DPYD: variants seen among roughly 807,000 people sequenced by gnomAD.
The protein encoded by DPYD is dihydropyrimidine dehydrogenase [NADP(+)].
DPYD carries 109 observed loss-of-function variants against 116.2 expected under a neutral mutation model. The observed-to-expected ratio is 0.94, with a 90% confidence interval of 0.80 to 1.10. DPYD has a LOEUF of 1.10. Ranked by LOEUF, DPYD falls within the 50% of genes least tolerant of loss-of-function variation. DPYD has a pLI of 0.00. For missense variants in DPYD, 1,302 were observed against 1,254.5 expected (o/e 1.04, Z -0.57); for synonymous variants, 440 against 432.0 (o/e 1.02, Z -0.23).
intron 8 of DPYD, among the ~76,000 whole-genome samples, chr1:97,631,482 A>G (rs1401279548): frequency 6.6e-6 from 1 of 152,076 alleles, no homozygotes; most frequent in Non-Finnish European, 1.5e-5. Context: ...AGCATTTTGC[A>G]ATCATAAGTG....
rs142178985 is a variant in DPYD, at chr1:97,591,060, A to T, written c.1128+2158T>A. ...TACTGGCGTTTTTTCTATTCCACAA[A>T]TCCAGAAGACTTCCACAATAAAGGG... On this transcript the variant is annotated intron_variant, in intron 10 of 22. Coordinates refer to ENST00000370192, the MANE Select transcript of DPYD (RefSeq NM_000110.4). Among the ~76,000 whole-genome samples, 158 of 152,246 alleles carry T rather than the reference A, an allele frequency of 1.0e-3. 1 individual carries two copies. Among genetic ancestry groups the T allele is most frequent in the African/African-American group, 3.3e-3 (139 of 41,540 alleles).
chr1:97,727,016 T>C (rs1285382195), intron 4 of DPYD, among the ~76,000 whole-genome samples: 1 of 151,708 alleles, frequency 6.6e-6, no homozygotes, highest in Admixed American at 6.6e-5. Flanking sequence ...ATAAAATTTG[T>C]AGGAGGTTAA....
At chr1:97,774,961 G>A in intron 3 of DPYD, 1 of 341,954 alleles carries the variant, frequency 2.9e-6, no homozygotes, top group Non-Finnish European at 6.2e-6. Context: ...TCACCTCACT[G>A]CATGCCAAAC....
At chr1:97,346,345 T>C (rs958064458) in intron 16 of DPYD, among the ~76,000 whole-genome samples, 10 of 151,664 alleles carry the variant, frequency 6.6e-5, no homozygotes, top group Admixed American at 4.0e-4. Context: ...TGCTCGATCC[T>C]TTTTTTAGTT....
chr1:97,541,372 T>G (rs1206898482), intron 12 of DPYD, among the ~76,000 whole-genome samples: 1 of 152,170 alleles, frequency 6.6e-6, no homozygotes, highest in East Asian at 1.9e-4. Context: ...TGCTGTCAAA[T>G]TAGGTGTTGG....
At position 97,779,501 on chromosome 1, in the gene DPYD, T is replaced by C. The variant is rs79061935; in HGVS notation, c.234-39022A>G. Among the ~76,000 whole-genome samples, 1,303 of 152,246 alleles carry C rather than the reference T, an allele frequency of 8.6e-3. 20 individuals carry two copies. Among genetic ancestry groups the C allele is most frequent in the African/African-American group, 0.03 (1,235 of 41,578 alleles). ...CTACAAAATAAAGTACCTGTCTACA[T>C]ATAACCCTCTTTTTGAGTATCCACA... On this transcript the variant is annotated intron_variant, in intron 3 of 22. Coordinates refer to ENST00000370192, the MANE Select transcript of DPYD (RefSeq NM_000110.4).
chr1:97,229,785 G>A lies in DPYD; in HGVS notation c.2442+5067C>T, dbSNP rs72726644. On this transcript the variant is annotated intron_variant, in intron 19 of 22. Coordinates refer to ENST00000370192, the MANE Select transcript of DPYD (RefSeq NM_000110.4). The stretch of plus-strand genomic sequence containing the variant: ...TTGTCTTGATTTCCTCTTCATTTCT[G>A]AAGTAAAAACCTATGTGTGAAACTT... Among the ~76,000 whole-genome samples, 1,419 of 151,740 alleles carry A rather than the reference G, an allele frequency of 9.4e-3. 17 individuals carry two copies. The highest frequency in any genetic ancestry group is 0.037 in the Middle Eastern group (11 of 294).
chr1:97,527,290 G>A (rs1418550341), intron 12 of DPYD, among the ~76,000 whole-genome samples: 2 of 152,010 alleles, frequency 1.3e-5, no homozygotes, highest in African/African-American at 4.8e-5. Flanking sequence ...TGTTGGCCAG[G>A]ATGGTCTTGA....
At chr1:97,299,299 A>G (rs1570460543) in intron 18 of DPYD, among the ~76,000 whole-genome samples, 1 of 152,288 alleles carries the variant, frequency 6.6e-6, no homozygotes, top group East Asian at 1.9e-4. Context: ...CACACAGAGG[A>G]AAGAAATTTA....
intron 1 of DPYD, among the ~76,000 whole-genome samples, chr1:97,888,875 T>G (rs2101655127): frequency 6.6e-6 from 1 of 152,154 alleles, no homozygotes; most frequent in East Asian, 1.9e-4. Flanking sequence ...AGGAAGTTCT[T>G]GGCCAGGCAT....
At chr1:97,495,586 G>A (rs1037516930) in intron 13 of DPYD, among the ~76,000 whole-genome samples, 5 of 152,050 alleles carry the variant, frequency 3.3e-5, no homozygotes, top group African/African-American at 7.2e-5. Flanking sequence ...GTGAAGTGCT[G>A]TAAGACAGTT....
At chr1:97,240,475 C>T (rs1240498362) in intron 18 of DPYD, among the ~76,000 whole-genome samples, 4 of 151,900 alleles carry the variant, frequency 2.6e-5, no homozygotes, top group African/African-American at 7.3e-5. Context: ...TCTAGGACAG[C>T]GACTGTTACA....
intron 20 of DPYD, among the ~76,000 whole-genome samples, chr1:97,147,214 G>T (rs1018946942): frequency 6.6e-6 from 1 of 152,076 alleles, no homozygotes; most frequent in Non-Finnish European, 1.5e-5. Flanking sequence ...TGGGCATGGG[G>T]GCATGCTCGT....
At chr1:97,800,919 C>T (rs1448521419) in intron 3 of DPYD, among the ~76,000 whole-genome samples, 2 of 151,896 alleles carry the variant, frequency 1.3e-5, no homozygotes, top group African/African-American at 2.4e-5. Flanking sequence ...CTCCCTGAGT[C>T]TTACATCTCC....
intron 12 of DPYD, among the ~76,000 whole-genome samples, chr1:97,545,450 C>T (rs1002896442): frequency 6.6e-6 from 1 of 151,914 alleles, no homozygotes; most frequent in Non-Finnish European, 1.5e-5. Context: ...TAGGTTTGAA[C>T]CTGGAAATAA....
At chr1:97,789,950 C>T (rs1297537453) in intron 3 of DPYD, among the ~76,000 whole-genome samples, 2 of 152,052 alleles carry the variant, frequency 1.3e-5, no homozygotes, top group Non-Finnish European at 2.9e-5. Flanking sequence ...AAACAAAAAA[C>T]GAAGCCCTTC....
At chr1:97,858,677 C>T (rs1670969128) in intron 2 of DPYD, among the ~76,000 whole-genome samples, 1 of 151,744 alleles carries the variant, frequency 6.6e-6, no homozygotes, top group African/African-American at 2.4e-5. Flanking sequence ...ATATATTTAC[C>T]AAAATAAACT....
At chr1:97,331,284 C>T (rs1057294966) in intron 16 of DPYD, among the ~76,000 whole-genome samples, 19 of 151,894 alleles carry the variant, frequency 1.3e-4, no homozygotes, top group African/African-American at 7.3e-5. Context: ...AGCCAGCCTA[C>T]GTAACAAAGA....
intron 18 of DPYD, among the ~76,000 whole-genome samples, chr1:97,288,122 A>G (rs1430773516): frequency 2.0e-5 from 3 of 151,778 alleles, no homozygotes; most frequent in African/African-American, 7.3e-5. Context: ...GATCAATTCA[A>G]CAAGAAAAGC....
Sources: gnomAD v4.1 joint callset for allele counts (sites outside exome capture counted in the v4.1 genomes callset) on GRCh38, gnomAD v4.1.1 for gene constraint, MANE v1.5 for transcripts, NCBI Gene and HGNC (gene_info 2026-07-23, HGNC 2026-07-21) for gene names.